Variants in TCF3 observed in about 807,000 individuals in gnomAD.
TCF3 encodes the protein transcription factor E2-alpha.
A neutral mutation model predicts 72.3 loss-of-function variants in TCF3; 54 were observed. The observed-to-expected ratio is 0.75, with a 90% CI of 0.60 to 0.94. TCF3 has a LOEUF of 0.94. TCF3 is among the 40% of genes least tolerant of loss of function. The pLI is 0.00. For missense variants in TCF3, 1,078 were observed against 934.4 expected (o/e 1.15, Z -2.00); for synonymous variants, 525 against 412.6 (o/e 1.27, Z -3.30).
At position 1,610,940 on chromosome 19, in the gene TCF3, C is replaced by CGGGGGG. The variant is rs1395665155; in HGVS notation, c.*761_*766dup. ...AGTGGCTTCCGGGGGGGGGGGGGGA[C>CGGGGGG]GGGGGGGCTCAGGTTTACACGGGGT... On this transcript the variant is annotated 3_prime_UTR_variant, in exon 19 of 19. Transcript: ENST00000262965. The CGGGGGG allele has an allele frequency of 4.3e-5, 2 of 46,466 alleles. No homozygotes were observed. The highest frequency in any genetic ancestry group is 1.2e-4 in the African/African-American group (1 of 8,476). The allele number at this position is 46,466 out of a possible 1,614,324, so 2.9% of individuals were successfully genotyped here. A position where few individuals can be genotyped will look rare whatever the true frequency, so the allele number is the denominator to read the frequency against.
In TCF3 at chr19:1,645,764, G is replaced by A. The variant is rs188565401; in HGVS notation, c.145+591C>T. Among the ~76,000 whole-genome samples, 560 of 152,254 alleles carry A rather than the reference G, an allele frequency of 3.7e-3. 3 individuals carry two copies. The highest frequency in any genetic ancestry group is 0.013 in the African/African-American group (525 of 41,528). ...GCCCACTGCTGTGTCATCAGCGAGG[G>A]TGACCCGCTCATCCAGGTCAGCCTG... is the stretch of plus-strand genomic sequence containing the variant. On this transcript the variant is annotated intron_variant, in intron 3 of 18. Transcript: ENST00000262965.
rs900437025 is a variant in TCF3, at chr19:1,650,330, G to T, written c.-39-43C>A. Reference sequence around the variant, plus strand: ...GGACAGATGGACAGGGAGAAACAGGGAGGGGAGAAGAGTTGTGAGTGGTCA... The same window carrying T: ...GGACAGATGGACAGGGAGAAACAGGTAGGGGAGAAGAGTTGTGAGTGGTCA... On this transcript the variant is annotated intron_variant, in intron 1 of 18. Transcript: ENST00000262965. 2.9e-6 allele frequency: 4 copies of T among 1,395,466 alleles called. No individual in the cohort carries two copies. The African/African-American group carries it at 4.3e-5, about 15-fold the overall frequency. 86.4% of individuals were successfully genotyped at this position (1,395,466 alleles called of 1,614,324 possible). A position where few individuals can be genotyped will look rare whatever the true frequency, so the allele number is the denominator to read the frequency against.
chr19:1,619,088 C>G (rs766529608), intron 16 of TCF3, 23 bp downstream of exon 16: 11 of 1,598,966 alleles, frequency 6.9e-6, no homozygotes, highest in African/African-American at 1.3e-5. Flanking sequence ...AGGAGTCGGA[C>G]AGTCCCAAGC....
chr19:1,625,803 G>C (rs1200986960), intron 6 of TCF3, 95 bp from the exon 7 acceptor site: 6 of 1,384,312 alleles, frequency 4.3e-6, no homozygotes, highest in Non-Finnish European at 5.6e-6. Context: ...AAGCCACTCA[G>C]ACCCGCCCTG....
chr19:1,643,828 C>T (rs867131665), intron 3 of TCF3, among the ~76,000 whole-genome samples: 36 of 152,338 alleles, frequency 2.4e-4, no homozygotes, highest in South Asian at 6.2e-4. Context: ...TCTAAAGTTT[C>T]CTTTCAAATG....
At chr19:1,622,449 G>A in intron 8 of TCF3, 34 bp from the exon 9 acceptor site, 1 of 1,130,254 alleles carries the variant, frequency 8.8e-7, no homozygotes. Flanking sequence ...GGTGCAGTCA[G>A]GACGGAGGGA....
chr19:1,619,124 G>A lies in TCF3; in HGVS notation c.1437C>T (p.Pro479=), dbSNP rs370968677. The change falls in exon 16 of 19, where the codon CCC becomes CCT. Residue 479 remains proline, a synonymous_variant. Coordinates refer to ENST00000262965, the MANE Select transcript of TCF3 (RefSeq NM_003200.5). ...PGTLPDLSRP[P]DSYSGLGRAG... ...TCAAGGGCTTACCACTGTAGGAGTCGGGAGGCCGAGACAGGTCAGGGAGGG... is the reference window on the plus strand; with the variant it reads ...TCAAGGGCTTACCACTGTAGGAGTCAGGAGGCCGAGACAGGTCAGGGAGGG... 8.2e-5 allele frequency: 131 copies of A among 1,599,482 alleles called. No individual in the cohort carries two copies. The highest frequency in any genetic ancestry group is 3.3e-4 in the Middle Eastern group (2 of 5,988).
intron 5 of TCF3, 81 bp downstream of exon 5, chr19:1,631,957 C>T: frequency 1.3e-6 from 2 of 1,559,756 alleles, no homozygotes; most frequent in Non-Finnish European, 1.7e-6. Flanking sequence ...TTGCCTGGCG[C>T]TGTGCGTGCA....
At chr19:1,622,449 G>C (rs2062361471) in intron 8 of TCF3, 34 bp from the exon 9 acceptor site, 5 of 1,130,254 alleles carry the variant, frequency 4.4e-6, no homozygotes, top group Non-Finnish European at 6.1e-6. Context: ...GGTGCAGTCA[G>C]GACGGAGGGA....
intron 18 of TCF3, chr19:1,612,402 TCTC>T: frequency 6.2e-7 from 1 of 1,613,406 alleles, no homozygotes; most frequent in Non-Finnish European, 8.5e-7. Context: ...CTCAGGTCTT[TCTC>T]CTCCAGGGAC....
Position 1,611,642 on chromosome 19 carries a change from G to T in TCF3, c.*65C>A. 6.4e-7 allele frequency: 1 copy of T among 1,558,944 alleles called. No homozygotes were observed. The highest frequency in any genetic ancestry group is 8.7e-7 in the Non-Finnish European group (1 of 1,150,398). On this transcript the variant is annotated 3_prime_UTR_variant, in exon 19 of 19. Transcript: ENST00000262965. ...ATGTGGATGAAGCCCGGGGTCTCGA[G>T]TGGCCGTTCTGGGGCCAGAGCACAG...
intron 3 of TCF3, among the ~76,000 whole-genome samples, chr19:1,634,640 C>T (rs1422668708): frequency 6.6e-6 from 1 of 152,214 alleles, no homozygotes; most frequent in Non-Finnish European, 1.5e-5. Flanking sequence ...TGTTGGGTCC[C>T]CTCCTGAGAG....
In TCF3 at chr19:1,615,733, G is replaced by C. The variant is rs115383004; in HGVS notation, c.1539C>G (p.His513Gln). The change falls in exon 17 of 19, where the codon CAC becomes CAG. Residue 513 changes from histidine (H) to glutamine (Q), a missense_variant. His to Gln is a conservative substitution (Grantham distance 24). Coordinates refer to ENST00000262965, the MANE Select transcript of TCF3 (RefSeq NM_003200.5). This position sits in a 1 kb window ranked among gnomAD's most constrained non-coding sequence, Gnocchi z 7.3. ...EDEENTSAAD[H>Q]SEEEKKELKA... Reference sequence around the variant, plus strand: ...TCAGCTCCTTCTTCTCCTCCTCCGAGTGGTCAGCCGCTGACGTGTTCTCCT... The same window carrying C: ...TCAGCTCCTTCTTCTCCTCCTCCGACTGGTCAGCCGCTGACGTGTTCTCCT... 1.2e-3 allele frequency: 1,878 copies of C among 1,612,966 alleles called. 22 individuals carry two copies. The African/African-American group carries it at 0.022, about 19-fold the overall frequency.
chr19:1,620,877 C>A (rs1025939406), intron 13 of TCF3, 91 bp downstream of exon 13: 27 of 1,278,000 alleles, frequency 2.1e-5, no homozygotes, highest in Non-Finnish European at 2.8e-5. Context: ...CCAGCCTCCC[C>A]TCCCCCGCAA....
At chr19:1,642,125 GAAC>G (rs1473257737) in intron 3 of TCF3, among the ~76,000 whole-genome samples, 2 of 121,354 alleles carry the variant, frequency 1.6e-5, no homozygotes, top group East Asian at 2.8e-4. Flanking sequence ...AAACTGCACA[GAAC>G]TACACACACA....
chr19:1,637,208 C>A (rs1599909347), intron 3 of TCF3, among the ~76,000 whole-genome samples: 1 of 141,052 alleles, frequency 7.1e-6, no homozygotes, highest in African/African-American at 2.6e-5. Flanking sequence ...CGCCTCGCAA[C>A]CTCCTCCACC....
At chr19:1,652,065 C>A (rs1266415631) in intron 1 of TCF3, among the ~76,000 whole-genome samples, 1 of 150,682 alleles carries the variant, frequency 6.6e-6, no homozygotes, top group Non-Finnish European at 1.5e-5. Flanking sequence ...AGTGCCCGGC[C>A]CGACGGGGGC....
chr19:1,622,374 G>T lies in TCF3; in HGVS notation c.591C>A (p.Ala197=). Reference sequence around the variant, plus strand: ...GGGTCTTGGCGGACGGGTAGGCGGTGGCATCCCTGCCGTAGTCCTCACCTG... The same window carrying T: ...GGGTCTTGGCGGACGGGTAGGCGGTTGCATCCCTGCCGTAGTCCTCACCTG... ...PSSGEDYGRD[A]TAYPSAKTPS... Residue 197 remains alanine (A), a synonymous_variant, in exon 9 of 19, where the codon GCC becomes GCA. Transcript: ENST00000262965. 6.6e-7 allele frequency: 1 copy of T among 1,522,986 alleles called. No homozygotes were observed. 94.3% of individuals were successfully genotyped at this position (1,522,986 alleles called of 1,614,324 possible). A position where few individuals can be genotyped will look rare whatever the true frequency, so the allele number is the denominator to read the frequency against.
intron 3 of TCF3, among the ~76,000 whole-genome samples, chr19:1,644,606 G>GA (rs1568495435): frequency 6.6e-6 from 1 of 152,250 alleles, no homozygotes; most frequent in Non-Finnish European, 1.5e-5. Context: ...GGGAACCACA[G>GA]AAAATACATC....
Sources: allele counts gnomAD v4.1 joint callset (sites outside exome capture counted in the v4.1 genomes callset), GRCh38; gene constraint gnomAD v4.1.1; non-coding constraint Gnocchi (gnomAD v3.1); transcripts MANE v1.5; gene names NCBI Gene and HGNC (gene_info 2026-07-23, HGNC 2026-07-21).